DNM3: variants seen among roughly 807,000 people sequenced by gnomAD.
DNM3 encodes the protein dynamin 3, also known as dynamin-3.
A neutral mutation model predicts 101.6 loss-of-function variants in DNM3; 47 were observed. The observed-to-expected ratio is 0.46, with a 90% CI of 0.37 to 0.59. The LOEUF is 0.59. Ranked by LOEUF, DNM3 falls within the 20% of genes least tolerant of loss-of-function variation. DNM3 has a pLI of 0.00. For synonymous variants in DNM3, 385 were observed against 387.9 expected (o/e 0.99, Z 0.09); for missense variants, 849 against 1,085.7 (o/e 0.78, Z 3.06).
chr1:172,063,439 ATAAT>A (rs749279296), intron 10 of DNM3, among the ~76,000 whole-genome samples: 6 of 152,078 alleles, frequency 3.9e-5, no homozygotes, highest in Non-Finnish European at 8.8e-5. Context: ...TTCCACCAAA[ATAAT>A]TAATCAGTAC....
At chr1:172,338,020 G>A (rs1450205323) in intron 17 of DNM3, among the ~76,000 whole-genome samples, 2 of 151,512 alleles carry the variant, frequency 1.3e-5, no homozygotes, top group African/African-American at 4.9e-5. Context: ...AGGTTCAAGC[G>A]ATTCTCATGC....
chr1:172,003,316 A>G (rs2046466816), intron 4 of DNM3, among the ~76,000 whole-genome samples: 1 of 152,040 alleles, frequency 6.6e-6, no homozygotes. Context: ...TGATGTGACC[A>G]TGAGTTTCTA....
At chr1:172,182,517 T>C (rs1572859444) in intron 14 of DNM3, among the ~76,000 whole-genome samples, 1 of 152,236 alleles carries the variant, frequency 6.6e-6, no homozygotes, top group Non-Finnish European at 1.5e-5. Flanking sequence ...TAAATCCAAC[T>C]CATTTCAATA....
chr1:172,062,786 A>G (rs2051343692), intron 10 of DNM3, among the ~76,000 whole-genome samples: 1 of 152,224 alleles, frequency 6.6e-6, no homozygotes, highest in South Asian at 2.1e-4. Context: ...TGATCTCTTT[A>G]TATTAGAATT....
intron 17 of DNM3, among the ~76,000 whole-genome samples, chr1:172,359,966 A>G (rs2067658665): frequency 6.6e-6 from 1 of 152,016 alleles, no homozygotes; most frequent in Admixed American, 6.6e-5. Context: ...AGACTTTCCT[A>G]TAATCAACTG....
At chr1:172,222,883 T>G (rs1427394055) in intron 14 of DNM3, among the ~76,000 whole-genome samples, 3 of 152,146 alleles carry the variant, frequency 2.0e-5, no homozygotes, top group Non-Finnish European at 4.4e-5. Context: ...TAGAAAAAGA[T>G]GTATGTATGA....
chr1:172,188,861 A>C (rs1280134659), intron 14 of DNM3, among the ~76,000 whole-genome samples: 1 of 151,998 alleles, frequency 6.6e-6, no homozygotes, highest in Non-Finnish European at 1.5e-5. Context: ...CAAGTTTTTT[A>C]ATTTAAGGAG....
At position 172,354,874 on chromosome 1, in the gene DNM3, C is replaced by T. The variant is rs114844490; in HGVS notation, c.1894-24144C>T. On this transcript the variant is annotated intron_variant, in intron 17 of 20. Coordinates refer to ENST00000627582, the MANE Select transcript of DNM3 (RefSeq NM_015569.5). ...AAAATTGGGGAATTGGAACCAAGAC[C>T]CCTACAGTAAGCCAGGACACTTAAA... 9.2e-3 allele frequency among the ~76,000 whole-genome samples: 1,403 copies of T among 152,134 alleles called. 30 individuals are homozygous for T. The highest frequency in any genetic ancestry group is 0.032 in the African/African-American group (1,324 of 41,508).
rs116360182 is a variant in DNM3, at chr1:171,975,174, A to C, written c.236-12482A>C. On this transcript the variant is annotated intron_variant, in intron 2 of 20. Coordinates refer to ENST00000627582, the MANE Select transcript of DNM3 (RefSeq NM_015569.5). ...ACCTGGCCATTGTTTTGCTTTTTAA[A>C]AAACTTTCAAGAAATGATTGGGTTG... Among the ~76,000 whole-genome samples the C allele has an allele frequency of 6.1e-3, 936 of 152,230 alleles. 3 individuals are homozygous for C. The highest frequency in any genetic ancestry group is 0.011 in the South Asian group (54 of 4,826).
chr1:172,317,741 T>G (rs1285047214), intron 16 of DNM3, among the ~76,000 whole-genome samples: 2 of 152,196 alleles, frequency 1.3e-5, no homozygotes, highest in Admixed American at 6.5e-5. Flanking sequence ...ATTGTGGCAA[T>G]AATCAATAGC....
intron 8 of DNM3, among the ~76,000 whole-genome samples, chr1:172,042,563 A>G (rs2049465499): frequency 6.6e-6 from 1 of 152,194 alleles, no homozygotes. Flanking sequence ...GGGATGGGTG[A>G]GCCACTTTTA....
intron 1 of DNM3, among the ~76,000 whole-genome samples, chr1:171,847,916 G>A (rs1054766762): frequency 6.6e-6 from 1 of 151,872 alleles, no homozygotes; most frequent in Non-Finnish European, 1.5e-5. Flanking sequence ...GTGTGTGTGT[G>A]TGTGTGTGTG....
chr1:172,277,641 AG>A (rs1388556547), intron 15 of DNM3, among the ~76,000 whole-genome samples: 1 of 152,116 alleles, frequency 6.6e-6, no homozygotes, highest in East Asian at 1.9e-4. Context: ...TTGCAAAAAA[AG>A]GTGTAATATA....
At position 172,131,469 on chromosome 1, in the gene DNM3, G is replaced by A. The variant is rs116361562; in HGVS notation, c.1659+181G>A. On this transcript the variant is annotated intron_variant, in intron 14 of 20. Coordinates refer to ENST00000627582, the MANE Select transcript of DNM3 (RefSeq NM_015569.5). ...ATAGATTTTAAAGTTTACAATATTC[G>A]CCCAAATTTCTTTTTCTTTTTGTTT... is the stretch of plus-strand genomic sequence containing the variant. Among the ~76,000 whole-genome samples the A allele has an allele frequency of 1.7e-3, 264 of 152,120 alleles. 1 individual carries two copies. Among genetic ancestry groups the A allele is most frequent in the South Asian group, 2.7e-3 (13 of 4,810 alleles).
intron 14 of DNM3, among the ~76,000 whole-genome samples, chr1:172,203,941 A>G (rs969698736): frequency 3.9e-5 from 6 of 152,308 alleles, no homozygotes; most frequent in Admixed American, 1.3e-4. Flanking sequence ...ACTGTATGCC[A>G]CATTTTTAAA....
At chr1:172,202,889 G>C (rs775244343) in intron 14 of DNM3, among the ~76,000 whole-genome samples, 1 of 152,160 alleles carries the variant, frequency 6.6e-6, no homozygotes, top group Non-Finnish European at 1.5e-5. Context: ...GATATCTGAA[G>C]TTAAAGAGTT....
intron 2 of DNM3, among the ~76,000 whole-genome samples, chr1:171,958,861 T>G (rs2125491329): frequency 6.6e-6 from 1 of 152,336 alleles, no homozygotes; most frequent in South Asian, 2.1e-4. Flanking sequence ...CTGCTAATGT[T>G]GCAAATCATA....
chr1:172,394,031 C>T (rs2069755509), intron 20 of DNM3: 1 of 152,304 alleles, frequency 6.6e-6, no homozygotes. Context: ...ATAAGTCCCT[C>T]AATTAAAAAT....
intron 1 of DNM3, among the ~76,000 whole-genome samples, chr1:171,848,175 C>A (rs970760952): frequency 1.3e-5 from 2 of 152,098 alleles, no homozygotes; most frequent in Admixed American, 6.6e-5. Context: ...TGTTTTAGAG[C>A]ACCTCCCTCC....
Sources: gnomAD v4.1 joint callset for allele counts (sites outside exome capture counted in the v4.1 genomes callset) on GRCh38, gnomAD v4.1.1 for gene constraint, MANE v1.5 for transcripts, NCBI Gene and HGNC (gene_info 2026-07-23, HGNC 2026-07-21) for gene names.